MEGF11: variants seen among roughly 807,000 people sequenced by gnomAD.
The protein encoded by MEGF11 is multiple EGF like domains 11.
MEGF11 carries 126 observed loss-of-function variants against 146.6 expected under a neutral mutation model. The observed-to-expected ratio is 0.86, with a 90% confidence interval of 0.74 to 1.00. The LOEUF is 1.00. Ranked by LOEUF, MEGF11 falls within the 50% of genes least tolerant of loss-of-function variation. The pLI is 0.00. For missense variants in MEGF11, 1,509 were observed against 1,521.2 expected, an observed-to-expected ratio of 0.99 and a Z score of 0.13; for synonymous variants, 532 against 583.4, an observed-to-expected ratio of 0.91 and a Z score of 1.27.
intron 5 of MEGF11, among the ~76,000 whole-genome samples, chr15:65,997,433 G>C (rs1035527758): frequency 1.3e-5 from 2 of 152,188 alleles, no homozygotes; most frequent in Non-Finnish European, 2.9e-5. Context: ...TCACAGCCTA[G>C]CAGCAAAGTG....
At chr15:65,925,958 A>C (rs959808047) in intron 13 of MEGF11, among the ~76,000 whole-genome samples, 1 of 152,220 alleles carries the variant, frequency 6.6e-6, no homozygotes, top group African/African-American at 2.4e-5. Context: ...CTCCCCTGCC[A>C]GCAATTTGAA....
chr15:65,997,117 G>A (rs2141811177), intron 5 of MEGF11, among the ~76,000 whole-genome samples: 1 of 152,336 alleles, frequency 6.6e-6, no homozygotes, highest in South Asian at 2.1e-4. Flanking sequence ...GCTCCCAGCT[G>A]GGTCTGCCAG....
At chr15:66,060,512 TCTC>T (rs1483969300) in intron 5 of MEGF11, among the ~76,000 whole-genome samples, 2 of 152,154 alleles carry the variant, frequency 1.3e-5, no homozygotes, top group Non-Finnish European at 2.9e-5. Flanking sequence ...GATGTAGCCT[TCTC>T]CTCTCTGCAG....
chr15:65,945,544 GTTTA>G (rs1004545215), intron 10 of MEGF11, among the ~76,000 whole-genome samples: 2 of 152,202 alleles, frequency 1.3e-5, no homozygotes, highest in African/African-American at 2.4e-5. Context: ...TGCCACGCCA[GTTTA>G]TTTATTGGTA....
intron 1 of MEGF11, among the ~76,000 whole-genome samples, chr15:66,155,376 C>A (rs1006799315): frequency 1.3e-5 from 2 of 152,146 alleles, no homozygotes; most frequent in Non-Finnish European, 2.9e-5. Context: ...CCGGGTGAAC[C>A]CTAAGAGACC....
intron 24 of MEGF11, 60 bp downstream of exon 24, chr15:65,906,025 A>T: frequency 2.8e-6 from 4 of 1,410,956 alleles, no homozygotes; most frequent in South Asian, 2.5e-5. Context: ...GCCATTTCAG[A>T]TCTGCACTCT....
chr15:66,071,494 C>T (rs931471117), intron 5 of MEGF11, among the ~76,000 whole-genome samples: 7 of 152,242 alleles, frequency 4.6e-5, no homozygotes, highest in Non-Finnish European at 8.8e-5. Flanking sequence ...TCTTTATTTG[C>T]TAAGCAAATT....
At chr15:66,231,234 C>T (rs1180180110) in intron 1 of MEGF11, among the ~76,000 whole-genome samples, 3 of 151,980 alleles carry the variant, frequency 2.0e-5, no homozygotes, top group African/African-American at 7.3e-5. Context: ...CAACCCCCAC[C>T]ATCCCCCAAG....
intron 4 of MEGF11, among the ~76,000 whole-genome samples, chr15:66,105,542 G>C (rs528030775): frequency 6.6e-6 from 1 of 152,322 alleles, no homozygotes; most frequent in African/African-American, 2.4e-5. Flanking sequence ...CAATTACTAT[G>C]TGCTGGCGGG....
chr15:66,211,223 A>G (rs2091436091), intron 1 of MEGF11, among the ~76,000 whole-genome samples: 1 of 152,198 alleles, frequency 6.6e-6, no homozygotes, highest in African/African-American at 2.4e-5. Flanking sequence ...GCCATTGGCC[A>G]TAAGAAAGAA....
At chr15:65,899,933 G>A (rs2078453163) in intron 24 of MEGF11, among the ~76,000 whole-genome samples, 1 of 152,186 alleles carries the variant, frequency 6.6e-6, no homozygotes, top group African/African-American at 2.4e-5. Context: ...TAGTTTCACT[G>A]GAGGAAGATG....
intron 5 of MEGF11, among the ~76,000 whole-genome samples, chr15:66,014,844 C>T (rs1359850202): frequency 6.6e-6 from 1 of 152,138 alleles, no homozygotes; most frequent in African/African-American, 2.4e-5. Context: ...ACAGCCCTCC[C>T]CAGAGAAAAT....
intron 5 of MEGF11, among the ~76,000 whole-genome samples, chr15:66,019,140 G>T (rs1243573820): frequency 2.0e-5 from 3 of 152,192 alleles, no homozygotes; most frequent in African/African-American, 7.2e-5. Flanking sequence ...GGTGCAGCGA[G>T]TGTGGATGAT....
intron 7 of MEGF11, among the ~76,000 whole-genome samples, chr15:65,973,700 G>A (rs2081365781): frequency 6.6e-6 from 1 of 152,230 alleles, no homozygotes; most frequent in African/African-American, 2.4e-5. Flanking sequence ...GAGAGGGGTT[G>A]CGTGTTTGTA....
chr15:66,152,378 C>T (rs1032473509), intron 1 of MEGF11, among the ~76,000 whole-genome samples: 8 of 152,152 alleles, frequency 5.3e-5, no homozygotes, highest in Non-Finnish European at 7.4e-5. Flanking sequence ...AGACTCCCCC[C>T]TCCTCCTCAC....
intron 5 of MEGF11, among the ~76,000 whole-genome samples, chr15:66,078,613 G>A (rs1032498494): frequency 3.9e-5 from 6 of 152,218 alleles, no homozygotes; most frequent in African/African-American, 1.4e-4. Flanking sequence ...CCTGCAGGCT[G>A]GTGGGAGCAG....
chr15:66,229,785 G>C lies in MEGF11; in HGVS notation c.-9+23820C>G, dbSNP rs148571982. Among the ~76,000 whole-genome samples the C allele has an allele frequency of 3.2e-4, 49 of 152,296 alleles. No homozygotes were observed. In the East Asian group the frequency reaches 7.1e-3, roughly 22 times the overall value. On this transcript the variant is annotated intron_variant, in intron 1 of 25. Transcript: ENST00000395614. The stretch of plus-strand genomic sequence containing the variant: ...GGGGAGCAGCTGGGTGGAGGCCCCA[G>C]GACAAGGACACAGAGCTGGCCAAGA...
intron 4 of MEGF11, among the ~76,000 whole-genome samples, chr15:66,109,019 A>G (rs2087244568): frequency 1.3e-5 from 2 of 152,222 alleles, no homozygotes. Context: ...GGTGATTAAG[A>G]AGCGATGCCT....
At chr15:66,103,097 G>A (rs1193669772) in intron 4 of MEGF11, among the ~76,000 whole-genome samples, 1 of 152,226 alleles carries the variant, frequency 6.6e-6, no homozygotes, top group Non-Finnish European at 1.5e-5. Flanking sequence ...AGCAGCAAAT[G>A]AGAACTAGAA....
Sources: gnomAD v4.1 joint callset for allele counts (sites outside exome capture counted in the v4.1 genomes callset) on GRCh38, gnomAD v4.1.1 for gene constraint, MANE v1.5 for transcripts, NCBI Gene and HGNC (gene_info 2026-07-23, HGNC 2026-07-21) for gene names.